Variants in SLC39A11 observed in about 807,000 individuals in gnomAD.
SLC39A11 encodes solute carrier family 39 member 11.
SLC39A11 carries 33 observed loss-of-function variants against 36.1 expected under a neutral mutation model. The ratio of observed to expected loss-of-function variants is 0.91; its 90% CI spans 0.69 to 1.22. The LOEUF (loss-of-function observed/expected upper bound fraction) is 1.22. Among genes scored for constraint, SLC39A11 ranks in the 50% most tolerant of loss-of-function variants. SLC39A11 has a pLI of 0.00. For synonymous variants in SLC39A11, 166 were observed against 170.3 expected (o/e 0.97, Z 0.20); for missense variants, 432 against 430.3 (o/e 1.00, Z -0.03).
intron 3 of SLC39A11, among the ~76,000 whole-genome samples, chr17:73,046,582 T>C (rs2059299953): frequency 6.6e-6 from 1 of 152,238 alleles, no homozygotes; most frequent in African/African-American, 2.4e-5. Flanking sequence ...ATGTTTTTCC[T>C]GGCTATACTA....
At chr17:72,699,046 G>C (rs947763714) in intron 7 of SLC39A11, among the ~76,000 whole-genome samples, 10 of 152,116 alleles carry the variant, frequency 6.6e-5, no homozygotes, top group Admixed American at 1.3e-4. Flanking sequence ...AGCCAGGATG[G>C]TCTCGATCTC....
intron 4 of SLC39A11, among the ~76,000 whole-genome samples, chr17:73,003,099 T>G (rs753203110): frequency 1.5e-4 from 23 of 152,356 alleles, no homozygotes; most frequent in African/African-American, 3.4e-4. Flanking sequence ...CTGATGGCCC[T>G]TATTCAGCTG....
rs1028127315 is a variant in SLC39A11 at position 72,768,103 on chromosome 17, A to G, written c.602-31384T>C. ...GGGGGCCACAGGAGCTATCAGGTCC[A>G]GGTGGAGCTATGGGTTTCAGACATG... is the stretch of plus-strand genomic sequence containing the variant. On this transcript the variant is annotated intron_variant, in intron 6 of 9. Transcript: ENST00000255559. 6.6e-5 allele frequency among the ~76,000 whole-genome samples: 10 copies of G among 152,274 alleles called. No individual in the cohort carries two copies. The East Asian group carries it at 1.9e-3, about 29-fold the overall frequency.
intron 6 of SLC39A11, among the ~76,000 whole-genome samples, chr17:72,820,331 T>TG (rs1225984936): frequency 3.3e-5 from 5 of 151,228 alleles, no homozygotes; most frequent in African/African-American, 1.2e-4. Context: ...TTTAAGTTCT[T>TG]GCGATGTCCC....
At chr17:72,978,039 C>A (rs1025037240) in intron 4 of SLC39A11, among the ~76,000 whole-genome samples, 1 of 152,246 alleles carries the variant, frequency 6.6e-6, no homozygotes, top group Non-Finnish European at 1.5e-5. Flanking sequence ...TCATTGGATT[C>A]CTAGCCAGGG....
At chr17:72,749,720 C>T (rs894168761) in intron 6 of SLC39A11, among the ~76,000 whole-genome samples, 1 of 152,072 alleles carries the variant, frequency 6.6e-6, no homozygotes, top group Admixed American at 6.5e-5. Context: ...CAGTCCCCAG[C>T]CCCACACTGC....
chr17:72,756,184 C>A (rs1204186589), intron 6 of SLC39A11, among the ~76,000 whole-genome samples: 2 of 152,174 alleles, frequency 1.3e-5, no homozygotes, highest in African/African-American at 2.4e-5. Context: ...ATGGTGATAG[C>A]AGTTGTGACG....
At chr17:73,064,037 A>C (rs1176958762) in intron 3 of SLC39A11, among the ~76,000 whole-genome samples, 1 of 152,206 alleles carries the variant, frequency 6.6e-6, no homozygotes, top group Non-Finnish European at 1.5e-5. Flanking sequence ...CTCTACAAGA[A>C]GACCAGCGCC....
chr17:72,745,119 G>A (rs777632620), intron 6 of SLC39A11, among the ~76,000 whole-genome samples: 19 of 152,204 alleles, frequency 1.2e-4, no homozygotes, highest in South Asian at 2.1e-4. Flanking sequence ...TGGGATTACC[G>A]GCATGAGCCA....
At chr17:72,945,701 G>A (rs917672544) in intron 5 of SLC39A11, among the ~76,000 whole-genome samples, 3 of 152,110 alleles carry the variant, frequency 2.0e-5, no homozygotes, top group African/African-American at 7.2e-5. Context: ...CTTGAGCAGG[G>A]GGACTGGGTT....
chr17:72,955,051 T>C (rs1456159579), intron 4 of SLC39A11, among the ~76,000 whole-genome samples: 8 of 152,224 alleles, frequency 5.3e-5, no homozygotes, highest in African/African-American at 1.9e-4. Context: ...AGCACTAGGA[T>C]TGTACCTCTA....
intron 3 of SLC39A11, among the ~76,000 whole-genome samples, chr17:73,065,043 T>A (rs930497853): frequency 1.3e-5 from 2 of 151,138 alleles, no homozygotes; most frequent in African/African-American, 4.9e-5. Context: ...TGAGACAGAG[T>A]CTCCCCAGCA....
intron 5 of SLC39A11, among the ~76,000 whole-genome samples, chr17:72,868,606 C>A (rs2080429684): frequency 8.5e-6 from 1 of 117,514 alleles, no homozygotes. Flanking sequence ...ATATAGTGAG[C>A]CCCTGTCTCT....
intron 6 of SLC39A11, among the ~76,000 whole-genome samples, chr17:72,792,211 C>T (rs1415899264): frequency 6.6e-6 from 1 of 152,152 alleles, no homozygotes; most frequent in Non-Finnish European, 1.5e-5. Context: ...CCATGTGGGG[C>T]CACTCAAAGG....
intron 6 of SLC39A11, among the ~76,000 whole-genome samples, chr17:72,813,686 A>T (rs1056563621): frequency 6.6e-6 from 1 of 152,220 alleles, no homozygotes; most frequent in Non-Finnish European, 1.5e-5. Flanking sequence ...CCATCATAGC[A>T]CTGCCAGGGG....
At chr17:72,661,429 C>T (rs2070413420) in intron 7 of SLC39A11, among the ~76,000 whole-genome samples, 2 of 152,144 alleles carry the variant, frequency 1.3e-5, no homozygotes, top group Admixed American at 1.3e-4. Flanking sequence ...ATTCCCTGGC[C>T]GGTTGATTAT....
chr17:72,897,403 G>A (rs988880547), intron 5 of SLC39A11, among the ~76,000 whole-genome samples: 2 of 152,228 alleles, frequency 1.3e-5, no homozygotes, highest in Admixed American at 6.5e-5. Flanking sequence ...ATAGACATGT[G>A]AAGCTAGTGG....
At chr17:72,886,954 T>G (rs768383905) in intron 5 of SLC39A11, among the ~76,000 whole-genome samples, 65 of 152,338 alleles carry the variant, frequency 4.3e-4, no homozygotes, top group Non-Finnish European at 6.8e-4. Flanking sequence ...TCAAAACCCA[T>G]CATCTTACAG....
chr17:72,883,377 G>A (rs373656702), intron 5 of SLC39A11, among the ~76,000 whole-genome samples: 2 of 152,054 alleles, frequency 1.3e-5, no homozygotes, highest in Non-Finnish European at 2.9e-5. Context: ...AAACCTGGAT[G>A]AAAATCACAG....
Sources: allele counts gnomAD v4.1 joint callset (sites outside exome capture counted in the v4.1 genomes callset), GRCh38; gene constraint gnomAD v4.1.1; transcripts MANE v1.5; gene names NCBI Gene and HGNC (gene_info 2026-07-23, HGNC 2026-07-21).